Variants in PDE4D observed in about 807,000 individuals in gnomAD.
The protein encoded by PDE4D is phosphodiesterase 4D.
A neutral mutation model predicts 87.4 loss-of-function variants in PDE4D; 24 were observed. That is an observed-to-expected ratio of 0.27 (90% CI 0.20 to 0.39). The LOEUF is 0.39. PDE4D is among the 10% of genes least tolerant of loss of function. PDE4D has a pLI of 1.00. For missense variants in PDE4D, 714 were observed against 1,041.0 expected, an observed-to-expected ratio of 0.69 and a Z score of 4.32; for synonymous variants, 384 against 383.2, an observed-to-expected ratio of 1.00 and a Z score of -0.02.
chr5:59,845,239 G>T (rs1379752966), intron 1 of PDE4D, among the ~76,000 whole-genome samples: 1 of 152,090 alleles, frequency 6.6e-6, no homozygotes, highest in East Asian at 1.9e-4. Context: ...CACTGAGTTA[G>T]TGGTAGTTTC....
intron 1 of PDE4D, among the ~76,000 whole-genome samples, chr5:59,842,777 C>CT (rs1429307528): frequency 1.3e-5 from 2 of 151,870 alleles, no homozygotes; most frequent in Non-Finnish European, 2.9e-5. Flanking sequence ...CTAACAAAAG[C>CT]TTTTTTAAAC....
At chr5:60,149,242 T>C (rs1010050004) in intron 2 of PDE4D, among the ~76,000 whole-genome samples, 2 of 152,258 alleles carry the variant, frequency 1.3e-5, no homozygotes, top group African/African-American at 4.8e-5. Flanking sequence ...TAGCTTATGG[T>C]TCTGGAGGCT....
At chr5:59,260,869 T>G (rs1381389018) in intron 1 of PDE4D, among the ~76,000 whole-genome samples, 2 of 151,408 alleles carry the variant, frequency 1.3e-5, no homozygotes, top group Non-Finnish European at 3.0e-5. Flanking sequence ...AAACAAAATC[T>G]TACAGTTTTT....
chr5:60,501,843 G>C (rs1474896729), intron 1 of PDE4D, among the ~76,000 whole-genome samples: 3 of 152,214 alleles, frequency 2.0e-5, no homozygotes, highest in Admixed American at 2.0e-4. Context: ...ACTTTTTGAT[G>C]GGGTTGTTTG....
intron 2 of PDE4D, among the ~76,000 whole-genome samples, chr5:60,156,126 C>T (rs558917417): frequency 6.6e-6 from 1 of 152,300 alleles, no homozygotes; most frequent in Non-Finnish European, 1.5e-5. Context: ...CTGTCTGGAA[C>T]CTGGGCTAGC....
chr5:59,012,026 A>C (rs1752915008), intron 6 of PDE4D, among the ~76,000 whole-genome samples: 4 of 152,220 alleles, frequency 2.6e-5, no homozygotes, highest in Admixed American at 2.6e-4. Flanking sequence ...AAGAATTTTC[A>C]ACTCAGAATT....
At chr5:59,242,697 G>A (rs771949321) in intron 1 of PDE4D, among the ~76,000 whole-genome samples, 5 of 152,154 alleles carry the variant, frequency 3.3e-5, no homozygotes, top group Non-Finnish European at 5.9e-5. Context: ...GTGTGCTGTA[G>A]ACTGTGTTAA....
At chr5:59,341,358 G>A (rs760564557) in intron 1 of PDE4D, among the ~76,000 whole-genome samples, 11 of 152,098 alleles carry the variant, frequency 7.2e-5, no homozygotes, top group East Asian at 3.9e-4. Flanking sequence ...CGAGAGCTCC[G>A]TTGTACTTTG....
At chr5:59,777,193 G>A (rs1351583097) in intron 1 of PDE4D, among the ~76,000 whole-genome samples, 4 of 152,140 alleles carry the variant, frequency 2.6e-5, no homozygotes, top group South Asian at 2.1e-4. Flanking sequence ...GACTTAGTTC[G>A]GGTACTGGCT....
intron 1 of PDE4D, among the ~76,000 whole-genome samples, chr5:59,226,354 G>T (rs146382828): frequency 5.5e-4 from 84 of 152,268 alleles, no homozygotes; most frequent in African/African-American, 1.9e-3. Context: ...CAACATGGAT[G>T]AATTTTGAGG....
chr5:60,458,880 G>A (rs562577630), intron 1 of PDE4D, among the ~76,000 whole-genome samples: 43 of 152,130 alleles, frequency 2.8e-4, no homozygotes, highest in African/African-American at 7.9e-4. Context: ...AGTCCCTAGC[G>A]ACAGTCAAAT....
chr5:59,711,542 T>A (rs1754195172), intron 1 of PDE4D, among the ~76,000 whole-genome samples: 1 of 152,152 alleles, frequency 6.6e-6, no homozygotes, highest in Non-Finnish European at 1.5e-5. Context: ...CCACTAGGAT[T>A]GAGTTTCTGT....
At chr5:59,904,695 C>A (rs1752638717) in intron 3 of PDE4D, among the ~76,000 whole-genome samples, 1 of 152,230 alleles carries the variant, frequency 6.6e-6, no homozygotes, top group Non-Finnish European at 1.5e-5. Flanking sequence ...CTTAATCTGT[C>A]CTCAAGGAAT....
Position 58,974,433 on chromosome 5 carries a change from TCTTGTTAAAAACGCTG to T in PDE4D, c.*215_*230del, listed in dbSNP as rs1743208359. 2.8e-5 allele frequency: 10 copies of T among 358,128 alleles called. No homozygotes were observed. In the East Asian group the frequency reaches 4.1e-4, roughly 15 times the overall value. The allele number at this position is 358,128 out of a possible 1,614,324, so 22.2% of individuals were successfully genotyped here. A position where few individuals can be genotyped will look rare whatever the true frequency, so the allele number is the denominator to read the frequency against. On this transcript the variant is annotated 3_prime_UTR_variant, in exon 15 of 15. Transcript: ENST00000340635. ...CTTTGTCAGCTCTACCAAGCTGAAATCTTGTTAAAAACGCTGTTCGTGAAGATGTCCACCTTGCTCG... is the reference window on the plus strand; with the variant it reads ...CTTTGTCAGCTCTACCAAGCTGAAATTTCGTGAAGATGTCCACCTTGCTCG...
chr5:59,038,826 G>T, intron 6 of PDE4D, 33 bp downstream of exon 6: 1 of 1,445,626 alleles, frequency 6.9e-7, no homozygotes, highest in East Asian at 2.7e-5. Flanking sequence ...TCAGCAGCCT[G>T]GGGGCACCAG....
At chr5:60,027,132 T>C (rs1766718685) in intron 2 of PDE4D, among the ~76,000 whole-genome samples, 1 of 152,166 alleles carries the variant, frequency 6.6e-6, no homozygotes, top group Non-Finnish European at 1.5e-5. Flanking sequence ...ATGGATATGT[T>C]GCATGATGTT....
intron 1 of PDE4D, among the ~76,000 whole-genome samples, chr5:60,456,462 G>A (rs1042179316): frequency 1.3e-5 from 2 of 152,198 alleles, no homozygotes; most frequent in Non-Finnish European, 2.9e-5. Flanking sequence ...ATAGTATTTG[G>A]TTGTGCTATA....
chr5:60,026,333 T>A (rs1299711558), intron 2 of PDE4D, among the ~76,000 whole-genome samples: 2 of 152,134 alleles, frequency 1.3e-5, no homozygotes, highest in Non-Finnish European at 2.9e-5. Context: ...AGCAGTAAGA[T>A]AGACACATTC....
At chr5:59,334,181 G>T (rs146481794) in intron 1 of PDE4D, among the ~76,000 whole-genome samples, 45 of 143,260 alleles carry the variant, frequency 3.1e-4, no homozygotes, top group African/African-American at 8.3e-4. Flanking sequence ...TTGGCCACTT[G>T]TTTGATAATA....
Sources: allele counts gnomAD v4.1 joint callset (sites outside exome capture counted in the v4.1 genomes callset), GRCh38; gene constraint gnomAD v4.1.1; transcripts MANE v1.5; gene names NCBI Gene and HGNC (gene_info 2026-07-23, HGNC 2026-07-21).